The following THADA variants were observed in gnomAD, a reference collection of about 807,000 sequenced individuals.
THADA encodes THADA armadillo repeat containing.
A neutral mutation model predicts 219.8 loss-of-function variants in THADA; 213 were observed. That is an observed-to-expected ratio of 0.97 (90% confidence interval 0.87 to 1.09). THADA has a LOEUF of 1.09. Among genes scored for constraint, THADA ranks in the 50% least tolerant of loss-of-function variants. The pLI, the probability that THADA is intolerant of heterozygous loss-of-function variation, is 0.00. For missense variants in THADA, 2,956 were observed against 2,311.3 expected (o/e 1.28, Z -5.72); for synonymous variants, 1,018 against 828.9 (o/e 1.23, Z -3.92).
chr2:43,231,219 C>G lies in THADA; in HGVS notation c.5591G>C (p.Ser1864Thr). 1 of 1,613,804 alleles carries G rather than the reference C, an allele frequency of 6.2e-7. No individual in the cohort carries two copies. The highest frequency in any genetic ancestry group is 8.5e-7 in the Non-Finnish European group (1 of 1,179,808). ...LLSKSGWRPP[S>T]PEMLCHLQRM... ...TTGAAGGTGACAGAGCATCTCAGGG[C>G]TTGGGGGACGCCAGCCGGACTTTGA... The change falls in exon 38 of 38, where the codon AGC becomes ACC. Residue 1864 changes from serine (S) to threonine (T), a missense_variant. Physicochemically the swap from Ser to Thr is moderately conservative, Grantham distance 58. Coordinates refer to ENST00000405975, the MANE Select transcript of THADA (RefSeq NM_022065.5).
At chr2:43,332,213 G>A (rs1423260548) in intron 30 of THADA, among the ~76,000 whole-genome samples, 3 of 152,192 alleles carry the variant, frequency 2.0e-5, no homozygotes, top group Non-Finnish European at 4.4e-5. Context: ...AGCCTCCCAA[G>A]AAGCTGGGAT....
intron 20 of THADA, among the ~76,000 whole-genome samples, chr2:43,546,421 T>A (rs1299226400): frequency 4.6e-5 from 7 of 152,184 alleles, no homozygotes. Context: ...TTCCTGGATA[T>A]CCTTGTTAAC....
rs182996644 is a variant in THADA, at chr2:43,542,448, T to C, written c.3107-1132A>G. ...AAAAATTTAAGTGTGGAGATAATTTTTTGCAAGACAATATCCCCACCTAGT... is the reference window on the plus strand; with the variant it reads ...AAAAATTTAAGTGTGGAGATAATTTCTTGCAAGACAATATCCCCACCTAGT... On this transcript the variant is annotated intron_variant, in intron 20 of 37. Transcript: ENST00000405975. Among the ~76,000 whole-genome samples the C allele has an allele frequency of 2.4e-3, 368 of 152,264 alleles. 2 individuals carry two copies. The highest frequency in any genetic ancestry group is 0.01 in the Middle Eastern group (3 of 294).
intron 26 of THADA, among the ~76,000 whole-genome samples, chr2:43,467,222 G>A (rs115999411): frequency 6.7e-6 from 1 of 148,670 alleles, no homozygotes; most frequent in Non-Finnish European, 1.5e-5. Flanking sequence ...CGGGGATGCT[G>A]CTTGGCAGAA....
At chr2:43,400,457 T>TTATATTTATATATATATATATATATA (rs1674668908) in intron 28 of THADA, among the ~76,000 whole-genome samples, 1 of 89,904 alleles carries the variant, frequency 1.1e-5, no homozygotes, top group Non-Finnish European at 2.7e-5. Flanking sequence ...ATAGACAAAT[T>TTATATTTATATATATATATATATATA]TATATATATA....
intron 21 of THADA, among the ~76,000 whole-genome samples, chr2:43,528,940 G>A (rs1693524396): frequency 6.6e-6 from 1 of 151,812 alleles, no homozygotes; most frequent in Non-Finnish European, 1.5e-5. Flanking sequence ...TTCCCAAATG[G>A]AAACTCCATA....
rs1228537383 is a variant in THADA, at chr2:43,549,241, C to T, written c.3075G>A (p.Val1025=). 6.3e-7 allele frequency: 1 copy of T among 1,586,464 alleles called. No homozygotes were observed. The highest frequency in any genetic ancestry group is 1.2e-5 in the South Asian group (1 of 86,584). ...SFDMKDLNAS[V]VNIDTSTEIK... Reference sequence around the variant, plus strand: ...TTTCTGTAGAAGTATCAATATTCACCACACTAGCATTCAAGTCCTTCATAT... The same window carrying T: ...TTTCTGTAGAAGTATCAATATTCACTACACTAGCATTCAAGTCCTTCATAT... The change falls in exon 20 of 38, where the codon GTG becomes GTA. Residue 1025 remains valine (V), a synonymous_variant. Coordinates refer to ENST00000405975, the MANE Select transcript of THADA (RefSeq NM_022065.5).
chr2:43,440,686 G>A (rs993102812), intron 26 of THADA, among the ~76,000 whole-genome samples: 1 of 152,142 alleles, frequency 6.6e-6, no homozygotes. Flanking sequence ...ATGTCTTCTT[G>A]AGGAATCAGT....
chr2:43,245,396 C>A lies in THADA; in HGVS notation c.5297-12514G>T, dbSNP rs573755511. On this transcript the variant is annotated intron_variant, in intron 36 of 37. Transcript: ENST00000405975. The stretch of plus-strand genomic sequence containing the variant: ...CCATATTGGTCAGGCTGGTCTTGAA[C>A]CCCTGACCTCAGGTGATCCACCCGC... Among the ~76,000 whole-genome samples the A allele has an allele frequency of 6.9e-4, 105 of 152,220 alleles. 1 individual carries two copies. The highest frequency in any genetic ancestry group is 1.1e-3 in the Non-Finnish European group (72 of 68,024).
Position 43,485,249 on chromosome 2 carries a change from T to G in THADA, c.3821A>C (p.His1274Pro). The G allele has an allele frequency of 6.2e-7, 1 of 1,612,430 alleles. No homozygotes were observed. The highest frequency in any genetic ancestry group is 1.7e-4 in the Middle Eastern group (1 of 6,046). Residue 1274 changes from histidine (H) to proline (P), a missense_variant, in exon 26 of 38, where the codon CAT becomes CCT. His to Pro is a moderately conservative substitution (Grantham distance 77, BLOSUM62 -2). Transcript: ENST00000405975. Reference protein sequence around the residue: ...IFGVKRAKDEHSKTNRMTGRE... With the variant: ...IFGVKRAKDEPSKTNRMTGRE... Reference sequence around the variant, plus strand: ...TGGAGCTTACCTATTTGTTTTGGAATGTTCATCCTTTGCCCTTTTAACTCC... The same window carrying G: ...TGGAGCTTACCTATTTGTTTTGGAAGGTTCATCCTTTGCCCTTTTAACTCC...
At chr2:43,512,438 T>C (rs922528914) in intron 22 of THADA, among the ~76,000 whole-genome samples, 3 of 152,226 alleles carry the variant, frequency 2.0e-5, no homozygotes, top group African/African-American at 7.2e-5. Context: ...CCTCCCTTTT[T>C]ACTAAAATTA....
At chr2:43,322,373 G>A (rs934337945) in intron 30 of THADA, among the ~76,000 whole-genome samples, 1 of 151,702 alleles carries the variant, frequency 6.6e-6, no homozygotes, top group Non-Finnish European at 1.5e-5. Flanking sequence ...GCAGGGTGGC[G>A]GGCGCCTGTA....
At chr2:43,514,796 A>G (rs1691101817) in intron 22 of THADA, among the ~76,000 whole-genome samples, 1 of 91,902 alleles carries the variant, frequency 1.1e-5, no homozygotes, top group East Asian at 3.5e-4. Context: ...AATAATATGT[A>G]CAATATATAT....
chr2:43,532,289 TG>T (rs1433043399), intron 21 of THADA, among the ~76,000 whole-genome samples: 1 of 151,584 alleles, frequency 6.6e-6, no homozygotes, highest in Non-Finnish European at 1.5e-5. Context: ...ACCATGCGCC[TG>T]TAGTCCCAGC....
At chr2:43,396,538 T>C (rs1199281406) in intron 29 of THADA, among the ~76,000 whole-genome samples, 1 of 152,172 alleles carries the variant, frequency 6.6e-6, no homozygotes, top group Non-Finnish European at 1.5e-5. Flanking sequence ...CAGTGACTCA[T>C]GTCCATAATC....
chr2:43,505,635 C>T lies in THADA; in HGVS notation c.3608G>A (p.Ser1203Asn). ...TTCCATGATTACCTGGGGGACTGTA[C>T]TCTGTATGTCATCTGTAGGCCCAGC... ...SLAGPTDDIQ[S>N]TVPQVHALNI... Residue 1203 changes from serine (S) to asparagine (N), a missense_variant, in exon 24 of 38, where the codon AGT becomes AAT. By Grantham distance (46) the Ser-to-Asn change is conservative. Coordinates refer to ENST00000405975, the MANE Select transcript of THADA (RefSeq NM_022065.5). 4 of 1,591,172 alleles carry T rather than the reference C, an allele frequency of 2.5e-6. No individual in the cohort carries two copies. The highest frequency in any genetic ancestry group is 3.4e-6 in the Non-Finnish European group (4 of 1,166,244).
At chr2:43,591,913 C>A in intron 3 of THADA, 39 bp downstream of exon 3, 1 of 1,353,956 alleles carries the variant, frequency 7.4e-7, no homozygotes, top group Non-Finnish European at 9.9e-7. Flanking sequence ...TAGCATGATA[C>A]TCTTAAAGAT....
chr2:43,371,912 T>A (rs1390652795), intron 29 of THADA: 3 of 152,184 alleles, frequency 2.0e-5, no homozygotes, highest in Middle Eastern at 3.2e-3. Context: ...TGTTTAAATA[T>A]CTACTCCCCA....
intron 29 of THADA, among the ~76,000 whole-genome samples, chr2:43,352,509 G>A (rs947439230): frequency 6.6e-6 from 1 of 151,856 alleles, no homozygotes; most frequent in Non-Finnish European, 1.5e-5. Flanking sequence ...GGTGAGCAGA[G>A]ATCGCGCCAC....
Sources: gnomAD v4.1 joint callset for allele counts (sites outside exome capture counted in the v4.1 genomes callset) on GRCh38, gnomAD v4.1.1 for gene constraint, MANE v1.5 for transcripts, NCBI Gene and HGNC (gene_info 2026-07-23, HGNC 2026-07-21) for gene names.